MSH3: variants seen among roughly 807,000 people sequenced by gnomAD.
MSH3 encodes the protein DNA mismatch repair protein Msh3.
A neutral mutation model predicts 123.3 loss-of-function variants in MSH3; 106 were observed. That is an observed-to-expected ratio of 0.86 (90% CI 0.73 to 1.01). The LOEUF (loss-of-function observed/expected upper bound fraction) is 1.01. Among genes scored for constraint, MSH3 ranks in the 50% least tolerant of loss-of-function variants. The pLI is 0.00. For missense variants in MSH3, 1,459 were observed against 1,347.6 expected, an observed-to-expected ratio of 1.08 and a Z score of -1.29; for synonymous variants, 515 against 481.4, an observed-to-expected ratio of 1.07 and a Z score of -0.91.
At chr5:80,704,591 C>A (rs1008263178) in intron 8 of MSH3, among the ~76,000 whole-genome samples, 2 of 152,072 alleles carry the variant, frequency 1.3e-5, no homozygotes, top group African/African-American at 4.8e-5. Context: ...GCCTGGTAAG[C>A]CCATCCTTAT....
chr5:80,695,226 A>G (rs538838822), intron 8 of MSH3, among the ~76,000 whole-genome samples: 2 of 149,916 alleles, frequency 1.3e-5, no homozygotes, highest in African/African-American at 4.9e-5. Flanking sequence ...CAGATTTGGT[A>G]ATTTCTATTG....
intron 8 of MSH3, among the ~76,000 whole-genome samples, chr5:80,693,598 A>C (rs1273147826): frequency 6.8e-6 from 1 of 147,078 alleles, no homozygotes; most frequent in African/African-American, 2.5e-5. Flanking sequence ...AATATATATA[A>C]ACATACATAT....
At chr5:80,743,428 T>C (rs936983363) in intron 11 of MSH3, among the ~76,000 whole-genome samples, 3 of 152,138 alleles carry the variant, frequency 2.0e-5, no homozygotes, top group African/African-American at 7.2e-5. Context: ...GTATCCTAAT[T>C]ACGAGTCTTT....
In MSH3 at chr5:80,759,517, G is replaced by A. The variant is rs531440502; in HGVS notation, c.1764-2029G>A. Among the ~76,000 whole-genome samples, 3 of 152,310 alleles carry A rather than the reference G, an allele frequency of 2.0e-5. No individual in the cohort carries two copies. The East Asian group carries it at 5.8e-4, about 29-fold the overall frequency. ...AGTCTGACTGGAACTTAGAGTAGGAGGAAGAGAGTGACACATGATCTCAGG... is the reference window on the plus strand; with the variant it reads ...AGTCTGACTGGAACTTAGAGTAGGAAGAAGAGAGTGACACATGATCTCAGG... On this transcript the variant is annotated intron_variant, in intron 12 of 23. Coordinates refer to ENST00000265081, the MANE Select transcript of MSH3 (RefSeq NM_002439.5).
intron 20 of MSH3, among the ~76,000 whole-genome samples, chr5:80,844,609 A>G (rs1448616450): frequency 1.3e-5 from 2 of 152,148 alleles, no homozygotes; most frequent in Non-Finnish European, 2.9e-5. Flanking sequence ...TATATTTAGG[A>G]TAGTTAAGTC....
At position 80,843,138 on chromosome 5, in the gene MSH3, C is replaced by A. The variant is rs563943431; in HGVS notation, c.2814-10992C>A. 2.5e-4 allele frequency among the ~76,000 whole-genome samples: 38 copies of A among 151,852 alleles called. 1 individual carries two copies. Among genetic ancestry groups the A allele is most frequent in the African/African-American group, 8.7e-4 (36 of 41,274 alleles). On this transcript the variant is annotated intron_variant, in intron 20 of 23. Transcript: ENST00000265081. ...GGGGCTATTGAATTTTGTTGAAGGC[C>A]TTTTCTACATCTATTGAGATAATCA...
At chr5:80,784,347 A>G (rs1011302890) in intron 17 of MSH3, among the ~76,000 whole-genome samples, 5 of 151,804 alleles carry the variant, frequency 3.3e-5, no homozygotes, top group Admixed American at 3.3e-4. Context: ...CTAAACACCC[A>G]GGGCAGTTAG....
At chr5:80,861,495 C>T (rs1197588708) in intron 21 of MSH3, among the ~76,000 whole-genome samples, 5 of 152,186 alleles carry the variant, frequency 3.3e-5, no homozygotes, top group African/African-American at 9.7e-5. Context: ...AGGTTAGGCT[C>T]CACTTAAGTA....
At chr5:80,674,877 G>C in intron 6 of MSH3, 106 bp from the exon 7 acceptor site, 1 of 1,024,198 alleles carries the variant, frequency 9.8e-7, no homozygotes, top group Non-Finnish European at 1.5e-6. Flanking sequence ...ACTGCGCCTG[G>C]CTGTGAACCA....
intron 9 of MSH3, among the ~76,000 whole-genome samples, chr5:80,725,930 G>C (rs967087841): frequency 1.1e-4 from 17 of 152,306 alleles, no homozygotes; most frequent in African/African-American, 4.1e-4. Flanking sequence ...ATATTCATCA[G>C]AGTGGAAGGA....
chr5:80,672,511 G>A lies in MSH3; in HGVS notation c.909+151G>A, dbSNP rs1677654. On this transcript the variant is annotated intron_variant, in intron 5 of 23. Coordinates refer to ENST00000265081, the MANE Select transcript of MSH3 (RefSeq NM_002439.5). The stretch of plus-strand genomic sequence containing the variant: ...AGTGTTTCATAATTATTAGTATTAT[G>A]TATTTATGAGTTTTTAACATATTGT... The A allele has an allele frequency of 0.24, 172,540 of 706,744 alleles. 22,667 individuals carry two copies. The highest frequency in any genetic ancestry group is 0.4 in the Middle Eastern group (1,604 of 3,968). 43.8% of individuals were successfully genotyped at this position (706,744 alleles called of 1,614,324 possible). A position where few individuals can be genotyped will look rare whatever the true frequency, so the allele number is the denominator to read the frequency against.
chr5:80,687,686 G>A (rs1222920592), intron 8 of MSH3, among the ~76,000 whole-genome samples: 3 of 152,088 alleles, frequency 2.0e-5, no homozygotes, highest in African/African-American at 7.2e-5. Context: ...CTGATTAGAG[G>A]GAACTTTCAT....
chr5:80,763,443 G>C (rs1479802053), intron 13 of MSH3, among the ~76,000 whole-genome samples: 1 of 152,228 alleles, frequency 6.6e-6, no homozygotes, highest in Non-Finnish European at 1.5e-5. Flanking sequence ...GGCAATAGCA[G>C]AAGCTGTGCT....
chr5:80,794,561 C>T (rs1561480834), intron 19 of MSH3, among the ~76,000 whole-genome samples: 1 of 152,050 alleles, frequency 6.6e-6, no homozygotes, highest in African/African-American at 2.4e-5. Context: ...GAGAAGGTAT[C>T]AGAGAATAAA....
At chr5:80,699,136 C>T (rs1385332362) in intron 8 of MSH3, among the ~76,000 whole-genome samples, 1 of 152,078 alleles carries the variant, frequency 6.6e-6, no homozygotes. Flanking sequence ...GTAGCTCACA[C>T]ATAATAGGTG....
chr5:80,717,689 A>C (rs187899511), intron 8 of MSH3, among the ~76,000 whole-genome samples: 1 of 152,236 alleles, frequency 6.6e-6, no homozygotes. Flanking sequence ...CTTTGTGACA[A>C]TAGCCATTCT....
At chr5:80,852,303 G>T (rs1200272949) in intron 20 of MSH3, among the ~76,000 whole-genome samples, 2 of 152,186 alleles carry the variant, frequency 1.3e-5, no homozygotes, top group African/African-American at 4.8e-5. Context: ...TCCAGCCTGG[G>T]TGACAGATCA....
chr5:80,856,852 A>G (rs192955448), intron 21 of MSH3, among the ~76,000 whole-genome samples: 2 of 151,110 alleles, frequency 1.3e-5, no homozygotes, highest in East Asian at 3.9e-4. Context: ...GTCATGTCAG[A>G]TACAAACAGA....
At chr5:80,698,506 G>A (rs1282748857) in intron 8 of MSH3, among the ~76,000 whole-genome samples, 1 of 152,176 alleles carries the variant, frequency 6.6e-6, no homozygotes, top group African/African-American at 2.4e-5. Context: ...AGAGGGGTGT[G>A]TTAGAATTGA....
Sources: gnomAD v4.1 joint callset for allele counts (sites outside exome capture counted in the v4.1 genomes callset) on GRCh38, gnomAD v4.1.1 for gene constraint, MANE v1.5 for transcripts, NCBI Gene and HGNC (gene_info 2026-07-23, HGNC 2026-07-21) for gene names.